Variants in TTN observed in about 807,000 individuals in gnomAD.
TTN encodes the protein connectin.
TTN carries 1,525 observed loss-of-function variants against 3,223.0 expected under a neutral mutation model. The observed-to-expected ratio is 0.47, with a 90% CI of 0.45 to 0.49. The LOEUF (loss-of-function observed/expected upper bound fraction) is 0.49. Among genes scored for constraint, TTN ranks in the 20% least tolerant of loss-of-function variants. TTN has a pLI of 0.00. For missense variants in TTN, 40,786 were observed against 43,424.0 expected (o/e 0.94, Z 5.40); for synonymous variants, 14,094 against 15,161.0 (o/e 0.93, Z 5.17).
At position 178,748,460 on chromosome 2, in the gene TTN, TC is replaced by T. The variant is rs781363456; in HGVS notation, c.11311+4663del. 70 of 1,613,000 alleles carry T rather than the reference TC, an allele frequency of 4.3e-5. No homozygotes were observed. Among genetic ancestry groups the T allele is most frequent in the Non-Finnish European group, 5.1e-5 (60 of 1,179,386 alleles). Reference sequence around the variant, plus strand: ...TAACGTTTCAGGGCTAGGAATTTTTTCTTTATAATGTATTTCCTGCTGTTCC... The same window carrying T: ...TAACGTTTCAGGGCTAGGAATTTTTTTTTATAATGTATTTCCTGCTGTTCC... On this transcript the variant is annotated intron_variant, in intron 47 of 362. Transcript: ENST00000589042.
In TTN at chr2:178,741,746, A is replaced by G; in HGVS notation, c.11487T>C (p.Ala3829=). The G allele has an allele frequency of 6.2e-7, 1 of 1,613,682 alleles. No individual in the cohort carries two copies. The highest frequency in any genetic ancestry group is 8.5e-7 in the Non-Finnish European group (1 of 1,179,740). ...GPIFIKEVSN[A]DISMGDVATL... is the part of the protein sequence containing the mutation. ...TAGCCACATCCCCCATGCTTATATCAGCATTTGACACTTCTTTGATGAAAA... is the reference window on the plus strand; with the variant it reads ...TAGCCACATCCCCCATGCTTATATCGGCATTTGACACTTCTTTGATGAAAA... The change falls in exon 48 of 363, where the codon GCT becomes GCC. Residue 3829 remains alanine (A), a synonymous_variant. Transcript: ENST00000589042.
intron 1 of TTN, among the ~76,000 whole-genome samples, chr2:178,805,148 G>GT (rs1355131396): frequency 1.3e-5 from 2 of 151,858 alleles, no homozygotes; most frequent in African/African-American, 4.8e-5. Context: ...TTTGAGACCA[G>GT]TTTGGCTAAC....
chr2:178,739,780 T>C lies in TTN; in HGVS notation c.13453A>G (p.Ile4485Val), dbSNP rs1468880766. The C allele has an allele frequency of 1.2e-6, 2 of 1,613,884 alleles. No individual in the cohort carries two copies. Among genetic ancestry groups the C allele is most frequent in the East Asian group, 2.2e-5 (1 of 44,864 alleles). ...GGACCCTCAGCTGTTAGGATGTCTATTTCCTCATATATAATAGCACACAAA... is the reference window on the plus strand; with the variant it reads ...GGACCCTCAGCTGTTAGGATGTCTACTTCCTCATATATAATAGCACACAAA... ...DALCAIIYEEIDILTAEGPRI... is the reference protein window; with the variant it reads ...DALCAIIYEEVDILTAEGPRI... The change falls in exon 48 of 363, where the codon ATA becomes GTA. Residue 4485 changes from isoleucine (I) to valine (V), a missense_variant. Coordinates refer to ENST00000589042, the MANE Select transcript of TTN (RefSeq NM_001267550.2).
intron 38 of TTN, among the ~76,000 whole-genome samples, chr2:178,768,371 C>T (rs2090898417): frequency 6.6e-6 from 1 of 152,076 alleles, no homozygotes; most frequent in Non-Finnish European, 1.5e-5. Flanking sequence ...CTATTGTCTC[C>T]CCTGTAGACC....
chr2:178,557,332 G>A lies in TTN; in HGVS notation c.87930C>T (p.Phe29310=), dbSNP rs1267148835. 6.2e-7 allele frequency: 1 copy of A among 1,613,966 alleles called. No individual in the cohort carries two copies. Among genetic ancestry groups the A allele is most frequent in the South Asian group, 1.1e-5 (1 of 91,076 alleles). The part of the protein sequence containing the change: ...TTISAGLIYE[F]RVYAENAAGV... ...CAGCAGCATTTTCTGCATACACCCT[G>A]AATTCATAAATAAGTCCAGCACTGA... Residue 29310 remains phenylalanine (F), a synonymous_variant, in exon 329 of 363, where the codon TTC becomes TTT. Transcript: ENST00000589042.
chr2:178,640,167 A>T (rs571917766), intron 221 of TTN, 57 bp from the exon 222 acceptor site: 2 of 1,534,066 alleles, frequency 1.3e-6, no homozygotes, highest in East Asian at 2.3e-5. Context: ...GTTTTTCACA[A>T]AGTCAAAACT....
chr2:178,629,561 A>G (rs539956813), intron 239 of TTN, 118 bp from the exon 240 acceptor site: 2 of 1,418,244 alleles, frequency 1.4e-6, no homozygotes, highest in Admixed American at 4.2e-5. Context: ...AGGACTGGCC[A>G]CTATTTTAAC....
rs1285886003 is a variant in TTN, at chr2:178,532,983, C to T, written c.103632G>A (p.Glu34544=). 2 of 1,613,882 alleles carry T rather than the reference C, an allele frequency of 1.2e-6. No homozygotes were observed. The highest frequency in any genetic ancestry group is 1.7e-5 in the Admixed American group (1 of 60,020). ...RKLRMPYDVP[E]PRKYKQTTIE... ...TGGTAGTCTGCTTATACTTGCGTGG[C>T]TCTGGTACATCATAAGGCATCCGGA... The change falls in exon 358 of 363, where the codon GAG becomes GAA. Residue 34544 remains glutamate (E), a synonymous_variant. Transcript: ENST00000589042.
intron 47 of TTN, chr2:178,751,464 G>A: frequency 6.2e-7 from 1 of 1,613,134 alleles, no homozygotes; most frequent in Non-Finnish European, 8.5e-7. Context: ...TCCACATCTT[G>A]TTTTTTGTTA....
Position 178,537,395 on chromosome 2 carries a change from T to G in TTN, c.99812A>C (p.Gln33271Pro), listed in dbSNP as rs1262109870. 1 of 1,606,194 alleles carries G rather than the reference T, an allele frequency of 6.2e-7. No individual in the cohort carries two copies. Among genetic ancestry groups the G allele is most frequent in the Non-Finnish European group, 8.5e-7 (1 of 1,174,452 alleles). The part of the protein sequence containing the change: ...RKTHAGKYKV[Q>P]LSNVFGTVDA... ...AACTGTTCCAAAAACATTGCTGAGC[T>G]GGACTTTGTATTTCCCAGCATGAGT... is the stretch of plus-strand genomic sequence containing the variant. Residue 33271 changes from glutamine to proline, a missense_variant, in exon 355 of 363, where the codon CAG (glutamine) becomes CCG (proline). Physicochemically the swap from Gln to Pro is moderately conservative, Grantham distance 76. Transcript: ENST00000589042.
chr2:178,652,461 T>G lies in TTN; in HGVS notation c.39124A>C (p.Lys13042Gln), dbSNP rs2063199725. ...GCCTAAAATCAGTGACAAATACCTT[T>G]AACAGGTGTGACTTCAGGCTTTTTA... is the stretch of plus-strand genomic sequence containing the variant. ...PPKKPEVTPV[K>Q]VPEAPKEVVP... Residue 13042 changes from lysine to glutamine, a missense_variant, in exon 202 of 363, where the codon AAA (lysine) becomes CAA (glutamine). Physicochemically the swap from Lys to Gln is moderately conservative, Grantham distance 53. Transcript: ENST00000589042. The G allele has an allele frequency of 1.2e-6, 2 of 1,613,290 alleles. No individual in the cohort carries two copies. Among genetic ancestry groups the G allele is most frequent in the Non-Finnish European group, 1.7e-6 (2 of 1,179,492 alleles).
At chr2:178,580,908 AT>A in intron 316 of TTN, 1 of 283,292 alleles carries the variant, frequency 3.5e-6, no homozygotes, top group East Asian at 8.2e-5. Context: ...TAGACGATTG[AT>A]TTTTGGCTCC....
In TTN at chr2:178,591,040, T is replaced by C. The variant is rs747588848; in HGVS notation, c.60685A>G (p.Thr20229Ala). Residue 20229 changes from threonine to alanine, a missense_variant, in exon 304 of 363, where the codon ACA (threonine) becomes GCA (alanine). Transcript: ENST00000589042. ...WGVVSSGSSK[T>A]KLKIPHLQKG... ...TGCAGATGTGGGATTTTCAGCTTTG[T>C]CTTACTGCTTCCGGAAGAGACAACA... The C allele has an allele frequency of 2.5e-6, 4 of 1,613,452 alleles. No individual in the cohort carries two copies. Among genetic ancestry groups the C allele is most frequent in the East Asian group, 2.2e-5 (1 of 44,796 alleles).
chr2:178,774,156 A>G (rs1232038466), intron 30 of TTN, 46 bp from the exon 31 acceptor site: 6 of 1,614,022 alleles, frequency 3.7e-6, no homozygotes, highest in Non-Finnish European at 4.2e-6. Context: ...ATTTTTTATC[A>G]ATAAACCATA....
Position 178,653,460 on chromosome 2 carries a change from G to A in TTN, c.38674C>T (p.Leu12892Phe). Reference sequence around the variant, plus strand: ...GGTGGAACTTCTGGCTTTTTAGGAAGCACCAGTGTTTTCTTTTCTGGCACA... The same window carrying A: ...GGTGGAACTTCTGGCTTTTTAGGAAACACCAGTGTTTTCTTTTCTGGCACA... ...EIVPEKKTLV[L>F]PKKPEVPPVT... is the part of the protein sequence containing the mutation. Residue 12892 changes from leucine to phenylalanine, a missense_variant, in exon 197 of 363, where the codon CTT becomes TTT. Leu to Phe is a conservative substitution (Grantham distance 22). Coordinates refer to ENST00000589042, the MANE Select transcript of TTN (RefSeq NM_001267550.2). 1 of 1,566,916 alleles carries A rather than the reference G, an allele frequency of 6.4e-7. No homozygotes were observed. Among genetic ancestry groups the A allele is most frequent in the Non-Finnish European group, 8.6e-7 (1 of 1,166,258 alleles).
rs1705765323 is a variant in TTN at position 178,566,170 on chromosome 2, A to G, written c.79962T>C (p.Asp26654=). Residue 26654 remains aspartate, a synonymous_variant, in exon 326 of 363, where the codon GAT becomes GAC. Coordinates refer to ENST00000589042, the MANE Select transcript of TTN (RefSeq NM_001267550.2). Reference sequence around the variant, plus strand: ...GAATGTATTTTCCAGCATCATTTCTATCACAGTTATCTATTGATAGTTGGG... The same window carrying G: ...GAATGTATTTTCCAGCATCATTTCTGTCACAGTTATCTATTGATAGTTGGG... ...NYTQLSIDNC[D]RNDAGKYILK... 1 of 1,613,698 alleles carries G rather than the reference A, an allele frequency of 6.2e-7. No individual in the cohort carries two copies. Among genetic ancestry groups the G allele is most frequent in the Non-Finnish European group, 8.5e-7 (1 of 1,179,702 alleles).
Position 178,652,482 on chromosome 2 carries a change from T to G in TTN, c.39103A>C (p.Lys13035Gln), listed in dbSNP as rs762113177. Residue 13035 changes from lysine (K) to glutamine (Q), a missense_variant, in exon 202 of 363, where the codon AAG (lysine) becomes CAG (glutamine). Transcript: ENST00000589042. ...CCTTTAACAGGTGTGACTTCAGGCT[T>G]TTTAGGAGGAGCCGCTGGCACTTTC... is the stretch of plus-strand genomic sequence containing the variant. Reference protein sequence around the residue: ...EKKVPAAPPKKPEVTPVKVPE... With the variant: ...EKKVPAAPPKQPEVTPVKVPE... 1.2e-5 allele frequency: 20 copies of G among 1,613,566 alleles called. No homozygotes were observed. Among genetic ancestry groups the G allele is most frequent in the Non-Finnish European group, 1.6e-5 (19 of 1,179,624 alleles).
chr2:178,706,695 G>A lies in TTN; in HGVS notation c.29179C>T (p.Pro9727Ser). 1 of 1,612,826 alleles carries A rather than the reference G, an allele frequency of 6.2e-7. No individual in the cohort carries two copies. Among genetic ancestry groups the A allele is most frequent in the Non-Finnish European group, 8.5e-7 (1 of 1,179,092 alleles). Residue 9727 changes from proline to serine, a missense_variant, in exon 102 of 363, where the codon CCA (proline) becomes TCA (serine). Physicochemically the swap from Pro to Ser is moderately conservative, Grantham distance 74. Transcript: ENST00000589042. ...FIAKVGGDPI[P>S]NVKWTKGKWR... ...TTCCCTTTTGTCCATTTAACATTTG[G>A]GATTGGGTCACCTCCAACTTTTGCA...
chr2:178,702,785 T>C, intron 106 of TTN, 122 bp from the exon 107 acceptor site: 1 of 1,024,632 alleles, frequency 9.8e-7, no homozygotes, highest in Non-Finnish European at 1.4e-6. Context: ...GCAAGAAAAG[T>C]TCAAAAATCC....
Sources: allele counts gnomAD v4.1 joint callset (sites outside exome capture counted in the v4.1 genomes callset), GRCh38; gene constraint gnomAD v4.1.1; transcripts MANE v1.5; gene names NCBI Gene and HGNC (gene_info 2026-07-23, HGNC 2026-07-21).